RANBP3L: variants seen among roughly 807,000 people sequenced by gnomAD.
RANBP3L encodes the protein RAN binding protein 3 like.
Under a neutral mutation model 67.2 loss-of-function variants are expected in RANBP3L, and 56 were observed. The observed-to-expected ratio is 0.83, with a 90% CI of 0.67 to 1.04. RANBP3L has a LOEUF of 1.04. Ranked by LOEUF, RANBP3L falls within the 50% of genes least tolerant of loss-of-function variation. The pLI, the probability that RANBP3L is intolerant of heterozygous loss-of-function variation, is 0.00. For missense variants in RANBP3L, 496 were observed against 535.5 expected (o/e 0.93, Z 0.73); for synonymous variants, 164 against 181.4 (o/e 0.90, Z 0.77).
At chr5:36,290,224 C>CTTTTTT (rs33974139) in intron 1 of RANBP3L, among the ~76,000 whole-genome samples, 7 of 143,990 alleles carry the variant, frequency 4.9e-5, no homozygotes, top group Non-Finnish European at 6.0e-5. Context: ...TCTGTCTCAC[C>CTTTTTT]TTTTTTTTTT....
intron 8 of RANBP3L, among the ~76,000 whole-genome samples, chr5:36,260,315 C>T (rs1454999587): frequency 7.2e-6 from 1 of 139,516 alleles, no homozygotes; most frequent in African/African-American, 2.6e-5. Context: ...GAGCAGAGAT[C>T]GGACCACTGC....
chr5:36,278,085 A>G (rs1192314900), intron 1 of RANBP3L, among the ~76,000 whole-genome samples: 1 of 152,134 alleles, frequency 6.6e-6, no homozygotes, highest in Non-Finnish European at 1.5e-5. Context: ...GGGAGCTACA[A>G]TTCAAGAGGA....
intron 1 of RANBP3L, among the ~76,000 whole-genome samples, chr5:36,283,921 A>G (rs150218629): frequency 8.2e-4 from 125 of 152,188 alleles, no homozygotes; most frequent in African/African-American, 2.9e-3. Flanking sequence ...GATACAGGTC[A>G]TACTTAAAAA....
chr5:36,248,500 C>G lies in RANBP3L; in HGVS notation c.*1154G>C, dbSNP rs1748403814. On this transcript the variant is annotated 3_prime_UTR_variant, in exon 14 of 14. Coordinates refer to ENST00000296604, the MANE Select transcript of RANBP3L (RefSeq NM_145000.5). ...CAGGTATGGTAACACAGTAATATAACTTTTGAAAATGTGTGTTTGCATATC... is the reference window on the plus strand; with the variant it reads ...CAGGTATGGTAACACAGTAATATAAGTTTTGAAAATGTGTGTTTGCATATC... 6.6e-6 allele frequency: 1 copy of G among 152,094 alleles called. No homozygotes were observed. Among genetic ancestry groups the G allele is most frequent in the Non-Finnish European group, 1.5e-5 (1 of 67,998 alleles). 9.4% of individuals were successfully genotyped at this position (152,094 alleles called of 1,614,324 possible).
At chr5:36,278,406 G>A (rs1373754904) in intron 1 of RANBP3L, among the ~76,000 whole-genome samples, 2 of 151,958 alleles carry the variant, frequency 1.3e-5, no homozygotes, top group Non-Finnish European at 1.5e-5. Context: ...CTCCACCCCC[G>A]ACCTACTAAG....
intron 1 of RANBP3L, among the ~76,000 whole-genome samples, chr5:36,273,902 T>C (rs551304767): frequency 1.3e-5 from 2 of 152,326 alleles, no homozygotes; most frequent in African/African-American, 4.8e-5. Flanking sequence ...TCCCTGTTCA[T>C]AGTGAACTGG....
intron 1 of RANBP3L, among the ~76,000 whole-genome samples, chr5:36,297,569 A>G (rs1752318584): frequency 6.6e-6 from 1 of 152,238 alleles, no homozygotes. Context: ...TTAAAGCACC[A>G]TAATACATAA....
intron 1 of RANBP3L, among the ~76,000 whole-genome samples, chr5:36,287,690 G>C (rs964598159): frequency 6.6e-6 from 1 of 152,148 alleles, no homozygotes; most frequent in African/African-American, 2.4e-5. Context: ...GTGTTAGATA[G>C]TTCTTTTTAT....
At position 36,247,875 on chromosome 5, in the gene RANBP3L, G is replaced by C. The variant is rs732328; in HGVS notation, c.*1779C>G. Among the ~76,000 whole-genome samples the C allele has an allele frequency of 6.6e-6, 1 of 151,998 alleles. No homozygotes were observed. Among genetic ancestry groups the C allele is most frequent in the Non-Finnish European group, 1.5e-5 (1 of 67,984 alleles). On this transcript the variant is annotated 3_prime_UTR_variant, in exon 14 of 14. Coordinates refer to ENST00000296604, the MANE Select transcript of RANBP3L (RefSeq NM_145000.5). ...TGCACTCCAACCTGGGTGACAGAGC[G>C]AGACTCTGTCTAAAAAACAAACAAA...
chr5:36,257,506 C>T lies in RANBP3L; in HGVS notation c.720G>A (p.Lys240=). The T allele has an allele frequency of 6.3e-7, 1 of 1,598,440 alleles. No individual in the cohort carries two copies. Among genetic ancestry groups the T allele is most frequent in the Non-Finnish European group, 8.5e-7 (1 of 1,170,280 alleles). Residue 240 remains lysine (K), a synonymous_variant, in exon 9 of 14, where the codon AAG becomes AAA. Coordinates refer to ENST00000296604, the MANE Select transcript of RANBP3L (RefSeq NM_145000.5). ...TCGGAATGGATTTGAATGGTTTTTCCTTGGCATATGAATCATTTTCAAGTT... is the reference window on the plus strand; with the variant it reads ...TCGGAATGGATTTGAATGGTTTTTCTTTGGCATATGAATCATTTTCAAGTT... ...QPQLENDSYA[K]EKPFKSIPKF...
At chr5:36,273,380 T>C (rs1169765096) in intron 1 of RANBP3L, among the ~76,000 whole-genome samples, 3 of 152,174 alleles carry the variant, frequency 2.0e-5, no homozygotes, top group Non-Finnish European at 4.4e-5. Flanking sequence ...GGAGGGCATA[T>C]AGCAAAGTAA....
chr5:36,273,754 C>A (rs1186581392), intron 1 of RANBP3L, among the ~76,000 whole-genome samples: 1 of 152,000 alleles, frequency 6.6e-6, no homozygotes, highest in Non-Finnish European at 1.5e-5. Flanking sequence ...TTTTTCCTTT[C>A]TACTGTAGTC....
At chr5:36,263,786 C>T (rs1003902654) in intron 6 of RANBP3L, among the ~76,000 whole-genome samples, 13 of 152,178 alleles carry the variant, frequency 8.5e-5, no homozygotes, top group East Asian at 5.8e-4. Flanking sequence ...CTCGGCCTCC[C>T]GAAGTGCTAG....
intron 10 of RANBP3L, among the ~76,000 whole-genome samples, chr5:36,256,339 T>A (rs1748973468): frequency 1.3e-5 from 2 of 151,950 alleles, no homozygotes; most frequent in Admixed American, 6.6e-5. Context: ...TGGAGAGAGT[T>A]TAGAGAAAAG....
chr5:36,275,206 T>A (rs1011975714), intron 1 of RANBP3L, among the ~76,000 whole-genome samples: 2 of 152,206 alleles, frequency 1.3e-5, no homozygotes, highest in Non-Finnish European at 2.9e-5. Context: ...GGAGGTACAC[T>A]GTGGGTCAAG....
At chr5:36,287,457 T>G (rs1309463237) in intron 1 of RANBP3L, among the ~76,000 whole-genome samples, 4 of 152,142 alleles carry the variant, frequency 2.6e-5, no homozygotes, top group Non-Finnish European at 1.5e-5. Context: ...ATAAATGAAG[T>G]GCTATGTAAA....
chr5:36,280,117 C>T (rs1750869720), intron 1 of RANBP3L, among the ~76,000 whole-genome samples: 2 of 152,152 alleles, frequency 1.3e-5, no homozygotes, highest in South Asian at 4.1e-4. Context: ...GTTCTAAAGA[C>T]TCAACTCTCT....
At chr5:36,263,857 A>G (rs149520482) in intron 6 of RANBP3L, among the ~76,000 whole-genome samples, 6 of 152,386 alleles carry the variant, frequency 3.9e-5, no homozygotes, top group African/African-American at 1.4e-4. Context: ...GTAAGGAATT[A>G]TGTAACATGG....
At chr5:36,270,110 C>T (rs1750104090) in intron 2 of RANBP3L, 120 bp from the exon 3 acceptor site, 1 of 826,570 alleles carries the variant, frequency 1.2e-6, no homozygotes, top group African/African-American at 1.7e-5. Context: ...TACTTTTGCA[C>T]CAACCTAGTA....
Sources: gnomAD v4.1 joint callset for allele counts (sites outside exome capture counted in the v4.1 genomes callset) on GRCh38, gnomAD v4.1.1 for gene constraint, MANE v1.5 for transcripts, NCBI Gene and HGNC (gene_info 2026-07-23, HGNC 2026-07-21) for gene names.